PCDHGB3: variants seen among roughly 807,000 people sequenced by gnomAD.
PCDHGB3 encodes the protein protocadherin gamma-B3.
Under a neutral mutation model 59.2 loss-of-function variants are expected in PCDHGB3, and 40 were observed. The ratio of observed to expected loss-of-function variants is 0.68; its 90% CI spans 0.52 to 0.88. The LOEUF is 0.88. PCDHGB3 is among the 40% of genes least tolerant of loss of function. PCDHGB3 has a pLI of 0.00. For missense variants in PCDHGB3, 1,309 were observed against 1,187.9 expected (o/e 1.10, Z -1.50); for synonymous variants, 581 against 503.6 (o/e 1.15, Z -2.06).
At chr5:141,405,448 C>G in intron 1 of PCDHGB3, 1 of 1,314,742 alleles carries the variant, frequency 7.6e-7, no homozygotes, top group Non-Finnish European at 1.1e-6. Context: ...GAGACAGAGT[C>G]TTACTCTGTT....
intron 1 of PCDHGB3, chr5:141,376,145 G>A: frequency 6.2e-7 from 1 of 1,613,994 alleles, no homozygotes; most frequent in Non-Finnish European, 8.5e-7. Context: ...CAACGATTCG[G>A]ACCTCACTCT....
chr5:141,375,784 C>T, intron 1 of PCDHGB3: 1 of 1,614,254 alleles, frequency 6.2e-7, no homozygotes. Context: ...ACCCCGCCCT[C>T]CCCACAGACG....
chr5:141,413,660 T>C (rs747874019), intron 1 of PCDHGB3: 5 of 1,613,752 alleles, frequency 3.1e-6, no homozygotes, highest in Non-Finnish European at 4.2e-6. Flanking sequence ...CCGGAAGCTA[T>C]TGATCCGGAT....
chr5:141,453,341 C>T (rs1327119655), intron 1 of PCDHGB3, among the ~76,000 whole-genome samples: 2 of 151,822 alleles, frequency 1.3e-5, no homozygotes, highest in East Asian at 3.9e-4. Context: ...CTATGTTTCC[C>T]CAGGCTGACC....
chr5:141,491,034 T>A lies in PCDHGB3; in HGVS notation c.2416-3773T>A. On this transcript the variant is annotated intron_variant, in intron 1 of 3. Coordinates refer to ENST00000576222, the MANE Select transcript of PCDHGB3 (RefSeq NM_018924.5). This position sits in a 1 kb window ranked among gnomAD's most constrained non-coding sequence, Gnocchi z 6.9. ...CCAAGGTGACAGCCGTGGATGCTGA[T>A]GCAGGCCACAATGCGTGGCTCTCCT... 1 of 1,614,170 alleles carries A rather than the reference T, an allele frequency of 6.2e-7. No individual in the cohort carries two copies. Among genetic ancestry groups the A allele is most frequent in the African/African-American group, 1.3e-5 (1 of 75,074 alleles).
intron 2 of PCDHGB3, among the ~76,000 whole-genome samples, chr5:141,504,572 A>G (rs184273457): frequency 6.7e-6 from 1 of 148,962 alleles, no homozygotes; most frequent in Admixed American, 6.9e-5. Flanking sequence ...TCTAGGGAAC[A>G]CCATCTGCCC....
At chr5:141,466,325 C>T (rs1252026939) in intron 1 of PCDHGB3, among the ~76,000 whole-genome samples, 3 of 152,108 alleles carry the variant, frequency 2.0e-5, no homozygotes, top group African/African-American at 7.2e-5. Context: ...CACATGCTAC[C>T]ATGCCTGGAT....
chr5:141,393,156 A>G (rs1028021318), intron 1 of PCDHGB3: 7 of 1,613,310 alleles, frequency 4.3e-6, no homozygotes, highest in African/African-American at 1.3e-5. Context: ...GGATAAAGGA[A>G]AACTCTTTGG....
chr5:141,428,341 C>T, intron 1 of PCDHGB3: 1 of 602,086 alleles, frequency 1.7e-6, no homozygotes, highest in Non-Finnish European at 3.0e-6. Flanking sequence ...GCTCTTCTTC[C>T]TCGCAGTGAT....
At chr5:141,408,213 G>A in intron 1 of PCDHGB3, 1 of 1,554,970 alleles carries the variant, frequency 6.4e-7, no homozygotes, top group South Asian at 1.2e-5. Flanking sequence ...ATGGGAGGGA[G>A]CTGCGCGCAG....
chr5:141,394,961 G>A, intron 1 of PCDHGB3: 1 of 1,613,920 alleles, frequency 6.2e-7, no homozygotes, highest in Non-Finnish European at 8.5e-7. Flanking sequence ...GGCTCAGGCT[G>A]AGGCGCTGGC....
rs201851177 is a variant in PCDHGB3, at chr5:141,376,061, C to G, written c.2415+3252C>G. On this transcript the variant is annotated intron_variant, in intron 1 of 3. Transcript: ENST00000576222. ...GCCCCCTCTCTCCGCCACTGTCACG[C>G]TCACCGTGGCCGTGGCCGACAGGAT... is the stretch of plus-strand genomic sequence containing the variant. The G allele has an allele frequency of 8.2e-4, 1,321 of 1,613,326 alleles. No individual in the cohort carries two copies. Among genetic ancestry groups the G allele is most frequent in the Non-Finnish European group, 1.0e-3 (1,200 of 1,179,910 alleles).
chr5:141,456,633 C>CT (rs1229637837), intron 1 of PCDHGB3, among the ~76,000 whole-genome samples: 1 of 152,182 alleles, frequency 6.6e-6, no homozygotes, highest in Non-Finnish European at 1.5e-5. Context: ...CTCTTCTTTA[C>CT]TACAGGTGTT....
Position 141,489,323 on chromosome 5 carries a change from C to T in PCDHGB3, c.2416-5484C>T, listed in dbSNP as rs746520513. 1 of 1,601,632 alleles carries T rather than the reference C, an allele frequency of 6.2e-7. No individual in the cohort carries two copies. Among genetic ancestry groups the T allele is most frequent in the Non-Finnish European group, 8.5e-7 (1 of 1,172,950 alleles). ...TCCTTGTGCTGCTGGGGCTGGGTGT[C>T]TGGGCAGCTTCGTTACTCAGTGGTG... On this transcript the variant is annotated intron_variant, in intron 1 of 3. Coordinates refer to ENST00000576222, the MANE Select transcript of PCDHGB3 (RefSeq NM_018924.5). The surrounding 1 kb of genome is among the most constrained non-coding windows in gnomAD (Gnocchi z 4.5).
rs1356739313 is a variant in PCDHGB3, at chr5:141,490,444, A to T, written c.2416-4363A>T. The T allele has an allele frequency of 6.2e-7, 1 of 1,614,194 alleles. No individual in the cohort carries two copies. Among genetic ancestry groups the T allele is most frequent in the Non-Finnish European group, 8.5e-7 (1 of 1,180,034 alleles). On this transcript the variant is annotated intron_variant, in intron 1 of 3. Transcript: ENST00000576222. The surrounding 1 kb of genome is among the most constrained non-coding windows in gnomAD (Gnocchi z 5.4). ...GCCATTTCAGATTAAGCCTTCTGAG[A>T]ACCACTACTCGCTGCTAACCAGCCA...
chr5:141,426,718 C>G, intron 1 of PCDHGB3: 1 of 446,166 alleles, frequency 2.2e-6, no homozygotes, highest in Non-Finnish European at 4.6e-6. Flanking sequence ...AATGAACTAG[C>G]AATTCCAGGC....
At chr5:141,404,302 T>G (rs377754198) in intron 1 of PCDHGB3, 1 of 1,613,858 alleles carries the variant, frequency 6.2e-7, no homozygotes, top group African/African-American at 1.3e-5. Flanking sequence ...ATAATCCACC[T>G]GCTTTCTCTC....
chr5:141,376,197 T>G, intron 1 of PCDHGB3: 1 of 1,614,174 alleles, frequency 6.2e-7, no homozygotes, highest in Non-Finnish European at 8.5e-7. Flanking sequence ...TGCGTCTTCC[T>G]GGCCTTCGTC....
rs988237114 is a variant in PCDHGB3 at position 141,493,830 on chromosome 5, G to A, written c.2416-977G>A. On this transcript the variant is annotated intron_variant, in intron 1 of 3. Transcript: ENST00000576222. This position sits in a 1 kb window ranked among gnomAD's most constrained non-coding sequence, Gnocchi z 4.3. ...ATACTCACACTCTCTGCTTCTGGGA[G>A]CAAGTATGAGTATTAATTACCAGCC... 1.3e-5 allele frequency among the ~76,000 whole-genome samples: 2 copies of A among 152,218 alleles called. No individual in the cohort carries two copies. The highest frequency in any genetic ancestry group is 4.8e-5 in the African/African-American group (2 of 41,456).
Sources: allele counts gnomAD v4.1 joint callset (sites outside exome capture counted in the v4.1 genomes callset), GRCh38; gene constraint gnomAD v4.1.1; non-coding constraint Gnocchi (gnomAD v3.1); transcripts MANE v1.5; gene names NCBI Gene and HGNC (gene_info 2026-07-23, HGNC 2026-07-21).